PRRC2C: variants seen among roughly 807,000 people sequenced by gnomAD.
PRRC2C encodes the protein protein PRRC2C.
Under a neutral mutation model 317.2 loss-of-function variants are expected in PRRC2C, and 72 were observed. The ratio of observed to expected loss-of-function variants is 0.23; its 90% CI spans 0.19 to 0.28. PRRC2C has a LOEUF of 0.28. Among genes scored for constraint, PRRC2C ranks in the 10% least tolerant of loss-of-function variants. The pLI is 1.00. For synonymous variants in PRRC2C, 1,296 were observed against 1,205.9 expected (o/e 1.07, Z -1.55); for missense variants, 3,074 against 3,459.7 (o/e 0.89, Z 2.80).
At chr1:171,527,137 T>C (rs1674762325) in intron 10 of PRRC2C, among the ~76,000 whole-genome samples, 1 of 151,134 alleles carries the variant, frequency 6.6e-6, no homozygotes, top group African/African-American at 2.4e-5. Flanking sequence ...TCTTTTCTTT[T>C]TCTTTCCTTT....
In PRRC2C at chr1:171,514,657, T is replaced by G; in HGVS notation, c.400+12T>G. The stretch of plus-strand genomic sequence containing the variant: ...TGGGCAAGGAGATGGTAAGTGGACA[T>G]TAGTTGGGGAAGCTGCCTAGGCTTG... On this transcript the variant is annotated intron_variant, in intron 4 of 34. Transcript: ENST00000647382. 1 of 1,550,080 alleles carries G rather than the reference T, an allele frequency of 6.5e-7. No homozygotes were observed. The highest frequency in any genetic ancestry group is 8.7e-7 in the Non-Finnish European group (1 of 1,145,144).
intron 28 of PRRC2C, among the ~76,000 whole-genome samples, chr1:171,581,182 G>C (rs1298787253): frequency 6.6e-6 from 1 of 152,116 alleles, no homozygotes; most frequent in Non-Finnish European, 1.5e-5. Flanking sequence ...TCTCCCGTTA[G>C]AAGCCCCAAC....
In PRRC2C at chr1:171,532,750, A is replaced by G. The variant is rs1323266435; in HGVS notation, c.1662A>G (p.Gln554=). 4 of 1,538,478 alleles carry G rather than the reference A, an allele frequency of 2.6e-6. No homozygotes were observed. The highest frequency in any genetic ancestry group is 3.5e-6 in the Non-Finnish European group (4 of 1,144,270). Residue 554 remains glutamine (Q), a synonymous_variant, in exon 12 of 35, where the codon CAA becomes CAG. Transcript: ENST00000647382. ...EKELEKEQEK[Q]REMEKERKQE... ...AGCTGGAGAAGGAGCAGGAAAAACAAAGAGAAATGGAGAAAGAAAGAAAGC... is the reference window on the plus strand; with the variant it reads ...AGCTGGAGAAGGAGCAGGAAAAACAGAGAGAAATGGAGAAAGAAAGAAAGC...
At chr1:171,513,898 T>C (rs1327513160) in intron 3 of PRRC2C, among the ~76,000 whole-genome samples, 1 of 152,258 alleles carries the variant, frequency 6.6e-6, no homozygotes, top group African/African-American at 2.4e-5. Context: ...AATTATTTTA[T>C]AGTAATGAGT....
intron 12 of PRRC2C, among the ~76,000 whole-genome samples, chr1:171,534,586 T>A (rs1007917595): frequency 6.6e-6 from 1 of 152,108 alleles, no homozygotes; most frequent in African/African-American, 2.4e-5. Context: ...GTGGCTCTTT[T>A]TCCTCCAGTA....
chr1:171,548,921 A>G (rs1679670675), intron 17 of PRRC2C, among the ~76,000 whole-genome samples: 1 of 152,128 alleles, frequency 6.6e-6, no homozygotes, highest in Non-Finnish European at 1.5e-5. Context: ...GCTTGATCTC[A>G]GCTCATTGCA....
chr1:171,566,204 A>G lies in PRRC2C; in HGVS notation c.6118-29A>G, dbSNP rs375053934. 2.8e-5 allele frequency: 44 copies of G among 1,570,280 alleles called. No homozygotes were observed. The African/African-American group carries it at 5.8e-4, about 21-fold the overall frequency. ...CAGTCACATCTGAACTATACTTTGCAAGCAAGTTTTAAAATATTCTTTTAC... is the reference window on the plus strand; with the variant it reads ...CAGTCACATCTGAACTATACTTTGCGAGCAAGTTTTAAAATATTCTTTTAC... On this transcript the variant is annotated intron_variant, in intron 20 of 34. Transcript: ENST00000647382.
intron 17 of PRRC2C, 71 bp from the exon 18 acceptor site, chr1:171,550,015 T>C: frequency 1.6e-6 from 2 of 1,266,984 alleles, no homozygotes; most frequent in South Asian, 1.7e-5. Context: ...TAAGTACTAC[T>C]GTACTAAACA....
chr1:171,558,268 A>G, intron 19 of PRRC2C, 125 bp downstream of exon 19: 1 of 1,278,010 alleles, frequency 7.8e-7, no homozygotes, highest in South Asian at 1.8e-5. Context: ...AGGAAAAAGT[A>G]ATAGTAATCC....
At chr1:171,497,395 T>C (rs1264391724) in intron 1 of PRRC2C, among the ~76,000 whole-genome samples, 1 of 152,256 alleles carries the variant, frequency 6.6e-6, no homozygotes, top group Non-Finnish European at 1.5e-5. Context: ...TCTCTAAGAT[T>C]GCTTCTTCAT....
chr1:171,584,166 G>A lies in PRRC2C; in HGVS notation c.7620G>A (p.Leu2540=), dbSNP rs772615834. Residue 2540 remains leucine, a synonymous_variant, in exon 29 of 35, where the codon CTG becomes CTA. Coordinates refer to ENST00000647382, the MANE Select transcript of PRRC2C (RefSeq NM_001387844.1). ...CATCAGGACTAGGAGGTTCCCAGCT[G>A]ATTGACACACATCTTCTCCAGGTAA... is the stretch of plus-strand genomic sequence containing the variant. ...GQASGLGGSQ[L]IDTHLLQARA... The A allele has an allele frequency of 1.9e-6, 3 of 1,613,198 alleles. No homozygotes were observed. Among genetic ancestry groups the A allele is most frequent in the African/African-American group, 2.7e-5 (2 of 74,912 alleles).
In PRRC2C at chr1:171,540,063, G is replaced by C. The variant is rs753648367; in HGVS notation, c.2597G>C (p.Arg866Thr). 42 of 1,613,814 alleles carry C rather than the reference G, an allele frequency of 2.6e-5. No individual in the cohort carries two copies. Among genetic ancestry groups the C allele is most frequent in the Non-Finnish European group, 3.4e-5 (40 of 1,179,826 alleles). The change falls in exon 16 of 35, where the codon AGA (arginine) becomes ACA (threonine). Residue 866 changes from arginine to threonine, a missense_variant. This residue lies in a region of PRRC2C where 1,320 missense variants were observed against 1,395.7 expected (regional missense o/e 0.95). Coordinates refer to ENST00000647382, the MANE Select transcript of PRRC2C (RefSeq NM_001387844.1). ...LEAHPKADFI[R>T]ESSEAQVQKF... ...GCTCACCCAAAGGCAGACTTTATCA[G>C]AGAATCAAGTGAGGCACAAGTACAA...
chr1:171,591,749 G>C lies in PRRC2C; in HGVS notation c.8599G>C (p.Glu2867Gln), dbSNP rs1193268791. 1 of 1,613,514 alleles carries C rather than the reference G, an allele frequency of 6.2e-7. No homozygotes were observed. The highest frequency in any genetic ancestry group is 8.5e-7 in the Non-Finnish European group (1 of 1,179,776). The change falls in exon 35 of 35, where the codon GAA (glutamate) becomes CAA (glutamine). Residue 2867 changes from glutamate to glutamine, a missense_variant. Around this residue, in one of 11 missense-constraint regions of PRRC2C, gnomAD observed 78 missense variants for 97.7 expected, o/e 0.80. Coordinates refer to ENST00000647382, the MANE Select transcript of PRRC2C (RefSeq NM_001387844.1). ...TCCTGGGGTCTGTCAGGAAAAAGTA[G>C]AAGAAAAGCCACCCCCTGCACCCTC... ...DPPGVCQEKV[E>Q]EKPPPAPSIA...
Position 171,540,099 on chromosome 1 carries a change from G to A in PRRC2C, c.2633G>A (p.Ser878Asn), listed in dbSNP as rs1677688428. 1 of 1,613,828 alleles carries A rather than the reference G, an allele frequency of 6.2e-7. No homozygotes were observed. The highest frequency in any genetic ancestry group is 1.1e-5 in the South Asian group (1 of 91,090). Reference sequence around the variant, plus strand: ...GAGGCACAAGTACAAAAGTTTTTAAGCAGATCTGTGGAAGATGTTAGACCT... The same window carrying A: ...GAGGCACAAGTACAAAAGTTTTTAAACAGATCTGTGGAAGATGTTAGACCT... ...SSEAQVQKFL[S>N]RSVEDVRPHH... The change falls in exon 16 of 35, where the codon AGC becomes AAC. Residue 878 changes from serine (S) to asparagine (N), a missense_variant. Coordinates refer to ENST00000647382, the MANE Select transcript of PRRC2C (RefSeq NM_001387844.1).
Position 171,589,511 on chromosome 1 carries a change from G to T in PRRC2C, c.8342G>T (p.Arg2781Leu), listed in dbSNP as rs1469203645. The change falls in exon 34 of 35, where the codon CGT becomes CTT. Residue 2781 changes from arginine (R) to leucine (L), a missense_variant. Physicochemically the swap from Arg to Leu is moderately radical, Grantham distance 102. This residue lies in a region of PRRC2C where 490 missense variants were observed against 663.1 expected (regional missense o/e 0.74). Transcript: ENST00000647382. Reference protein sequence around the residue: ...PLTTGLMSHARLPHVARGPCG... With the variant: ...PLTTGLMSHALLPHVARGPCG... The stretch of plus-strand genomic sequence containing the variant: ...ACCACAGGCCTCATGAGCCATGCTC[G>T]TTTGCCACATGTAGCCAGGGGTCCT... 1.6e-6 allele frequency: 2 copies of T among 1,289,798 alleles called. No homozygotes were observed. The highest frequency in any genetic ancestry group is 5.5e-5 in the East Asian group (1 of 18,024). 79.9% of individuals were successfully genotyped at this position (1,289,798 alleles called of 1,614,324 possible). A position where few individuals can be genotyped will look rare whatever the true frequency, so the allele number is the denominator to read the frequency against.
In PRRC2C at chr1:171,566,309, G is replaced by A; in HGVS notation, c.6194G>A (p.Gly2065Glu). ...CAGTTTGGTGCTCCAGCCTCAAATG[G>A]AAATGAAAATGAAGTTGTTCCTGTG... is the stretch of plus-strand genomic sequence containing the variant. Reference protein sequence around the residue: ...TIQFGAPASNGNENEVVPVLS... With the variant: ...TIQFGAPASNENENEVVPVLS... The change falls in exon 21 of 35, where the codon GGA (glycine) becomes GAA (glutamate). Residue 2065 changes from glycine to glutamate, a missense_variant. Gly to Glu is a moderately conservative substitution (Grantham distance 98). This residue lies in a region of PRRC2C where 640 missense variants were observed against 676.1 expected (regional missense o/e 0.95). Coordinates refer to ENST00000647382, the MANE Select transcript of PRRC2C (RefSeq NM_001387844.1). 6.2e-7 allele frequency: 1 copy of A among 1,608,646 alleles called. No homozygotes were observed. The highest frequency in any genetic ancestry group is 1.1e-5 in the South Asian group (1 of 89,594).
At chr1:171,523,178 A>G (rs2102348041) in intron 7 of PRRC2C, 43 bp from the exon 8 acceptor site, 2 of 1,538,690 alleles carry the variant, frequency 1.3e-6, no homozygotes, top group Non-Finnish European at 1.8e-6. Flanking sequence ...CCAGTTTAGT[A>G]TCATAAACTT....
chr1:171,563,214 A>G (rs1006598530), intron 20 of PRRC2C, among the ~76,000 whole-genome samples: 11 of 152,300 alleles, frequency 7.2e-5, no homozygotes, highest in East Asian at 3.9e-4. Context: ...TCACCACCAT[A>G]GAAACCAAAA....
At chr1:171,512,541 T>A (rs1411586494) in intron 2 of PRRC2C, 6 of 277,382 alleles carry the variant, frequency 2.2e-5, no homozygotes, top group Admixed American at 1.9e-4. Flanking sequence ...AATTATAGAC[T>A]AGAGAAAGTC....
Sources: allele counts gnomAD v4.1 joint callset (sites outside exome capture counted in the v4.1 genomes callset), GRCh38; gene constraint gnomAD v4.1.1; regional missense constraint gnomAD v4.1.1; transcripts MANE v1.5; gene names NCBI Gene and HGNC (gene_info 2026-07-23, HGNC 2026-07-21).